CD96: variants seen among roughly 807,000 people sequenced by gnomAD.
The protein encoded by CD96 is T-cell surface protein tactile.
In CD96, 70 loss-of-function variants were observed where a neutral mutation model predicts 71.3. The ratio of observed to expected loss-of-function variants is 0.98; its 90% confidence interval spans 0.81 to 1.20. The LOEUF is 1.20. CD96 is among the 50% of genes most tolerant of loss of function. CD96 has a pLI of 0.00. For synonymous variants in CD96, 248 were observed against 233.0 expected (o/e 1.06, Z -0.59); for missense variants, 742 against 677.5 (o/e 1.10, Z -1.06).
chr3:111,654,860 A>G (rs542729226), downstream of CD96, among the ~76,000 whole-genome samples: 1 of 152,374 alleles, frequency 6.6e-6, no homozygotes, highest in South Asian at 2.1e-4. Flanking sequence ...GAAAGTACTT[A>G]AAAGTGCCAA....
At chr3:111,596,539 T>C (rs1341731904) in intron 5 of CD96, among the ~76,000 whole-genome samples, 1 of 152,214 alleles carries the variant, frequency 6.6e-6, no homozygotes, top group Non-Finnish European at 1.5e-5. Flanking sequence ...TATTACCATA[T>C]CGTCATCTTT....
At chr3:111,561,282 G>A (rs879821940) in intron 2 of CD96, among the ~76,000 whole-genome samples, 2,417 of 150,192 alleles carry the variant, frequency 0.016, 27 homozygotes, top group Middle Eastern at 0.024. Flanking sequence ...GAGGAGAGGC[G>A]CTCTGCGTTT....
intron 12 of CD96, 66 bp from the exon 13 acceptor site, chr3:111,647,477 T>C: frequency 3.4e-6 from 5 of 1,458,262 alleles, no homozygotes; most frequent in Non-Finnish European, 4.8e-6. Context: ...GGAAAAATGG[T>C]TTAATCCTGT....
rs1050392305 is a variant in CD96, at chr3:111,637,196, C to T, written c.1322C>T (p.Ser441Leu). Residue 441 changes from serine to leucine, a missense_variant and splice_region_variant, in exon 11 of 14, where the codon TCA (serine) becomes TTA (leucine). Coordinates refer to ENST00000352690, the MANE Select transcript of CD96 (RefSeq NM_005816.5). ...WTSSGTDTKK[S>L]VSRIPSETYS... The stretch of plus-strand genomic sequence containing the variant: ...CTCTTCTGATATCTTCTTCCTTTAG[C>T]AGTTTCACGGATACCTAGTGAAACA... 6 of 1,533,466 alleles carry T rather than the reference C, an allele frequency of 3.9e-6. No individual in the cohort carries two copies. The highest frequency in any genetic ancestry group is 4.5e-6 in the Non-Finnish European group (5 of 1,106,408). The allele number at this position is 1,533,466 out of a possible 1,614,324, so 95.0% of individuals were successfully genotyped here. A position where few individuals can be genotyped will look rare whatever the true frequency, so the allele number is the denominator to read the frequency against.
intron 8 of CD96, among the ~76,000 whole-genome samples, chr3:111,617,920 C>T (rs747939906): frequency 6.6e-6 from 1 of 152,224 alleles, no homozygotes; most frequent in Non-Finnish European, 1.5e-5. Flanking sequence ...CTTTGGAGCT[C>T]TACAGTTCCT....
At chr3:111,604,223 T>C (rs1470992293) in intron 7 of CD96, among the ~76,000 whole-genome samples, 1 of 152,148 alleles carries the variant, frequency 6.6e-6, no homozygotes, top group Non-Finnish European at 1.5e-5. Context: ...CTGCTGCCCA[T>C]GAGGGTGGTT....
rs143028941 is a variant in CD96, at chr3:111,579,134, C to A, written c.651C>A (p.Leu217=). 1 of 1,599,744 alleles carries A rather than the reference C, an allele frequency of 6.3e-7. No individual in the cohort carries two copies. The highest frequency in any genetic ancestry group is 8.6e-7 in the Non-Finnish European group (1 of 1,166,796). ...TTGGTACAGACTACAGACTCCACCTCTCTCCAGTCCAAATCTTCGATGATG... is the reference window on the plus strand; with the variant it reads ...TTGGTACAGACTACAGACTCCACCTATCTCCAGTCCAAATCTTCGATGATG... ...VKLGTDYRLH[L]SPVQIFDDGR... The change falls in exon 4 of 14, where the codon CTC becomes CTA. Residue 217 remains leucine, a synonymous_variant. Transcript: ENST00000352690.
At chr3:111,570,103 G>A (rs2107555410) in intron 3 of CD96, among the ~76,000 whole-genome samples, 1 of 152,306 alleles carries the variant, frequency 6.6e-6, no homozygotes, top group South Asian at 2.1e-4. Context: ...TCTGCTTACA[G>A]GAGGGTGCTG....
chr3:111,630,668 A>G (rs1939014927), intron 10 of CD96, among the ~76,000 whole-genome samples: 1 of 152,248 alleles, frequency 6.6e-6, no homozygotes, highest in African/African-American at 2.4e-5. Context: ...TGAGGCCAGC[A>G]TCATCCTGAT....
chr3:111,660,007 G>A (rs1258446453), intron 14 of CD96, among the ~76,000 whole-genome samples: 1 of 152,132 alleles, frequency 6.6e-6, no homozygotes, highest in African/African-American at 2.4e-5. Flanking sequence ...GTTATACATA[G>A]TGCTGGAAGT....
At chr3:111,633,178 C>T (rs1939157364) in intron 10 of CD96, among the ~76,000 whole-genome samples, 1 of 151,524 alleles carries the variant, frequency 6.6e-6, no homozygotes, top group Non-Finnish European at 1.5e-5. Context: ...TGTTTTGTCT[C>T]AGATTAAAAA....
chr3:111,607,566 T>C (rs1181855875), intron 8 of CD96, among the ~76,000 whole-genome samples: 2 of 152,248 alleles, frequency 1.3e-5, no homozygotes, highest in African/African-American at 4.8e-5. Context: ...CTATGTAAAG[T>C]AGAAGTATGG....
chr3:111,629,811 A>C (rs1480059187), intron 10 of CD96, among the ~76,000 whole-genome samples: 2 of 152,124 alleles, frequency 1.3e-5, no homozygotes, highest in Non-Finnish European at 2.9e-5. Flanking sequence ...AATCATAACA[A>C]AGTCTCTCAG....
At chr3:111,607,731 C>T (rs564920805) in intron 8 of CD96, among the ~76,000 whole-genome samples, 3 of 152,280 alleles carry the variant, frequency 2.0e-5, no homozygotes, top group Non-Finnish European at 2.9e-5. Flanking sequence ...TGATACTTCT[C>T]AGAAAATGAA....
chr3:111,556,832 G>A (rs1209482579), intron 2 of CD96, among the ~76,000 whole-genome samples: 1 of 151,578 alleles, frequency 6.6e-6, no homozygotes, highest in African/African-American at 2.4e-5. Flanking sequence ...CAGTGTAAAA[G>A]TGTTCCTGTT....
intron 3 of CD96, among the ~76,000 whole-genome samples, chr3:111,576,330 C>A (rs1936221003): frequency 6.6e-6 from 1 of 152,072 alleles, no homozygotes; most frequent in Admixed American, 6.6e-5. Flanking sequence ...GCATTATTAT[C>A]AAGTAGGAGT....
At chr3:111,607,218 A>G (rs1937660749) in intron 8 of CD96, 1 of 219,482 alleles carries the variant, frequency 4.6e-6, no homozygotes, top group Non-Finnish European at 9.2e-6. Context: ...AGGTTAATAA[A>G]TGACAGTCAT....
chr3:111,579,112 G>A lies in CD96; in HGVS notation c.629G>A (p.Gly210Asp), dbSNP rs1936351113. ...STLLKDRVKL[G>D]TDYRLHLSPV... ...TTACTTAAAGATAGAGTCAAGCTTGGTACAGACTACAGACTCCACCTCTCT... is the reference window on the plus strand; with the variant it reads ...TTACTTAAAGATAGAGTCAAGCTTGATACAGACTACAGACTCCACCTCTCT... Residue 210 changes from glycine (G) to aspartate (D), a missense_variant, in exon 4 of 14, where the codon GGT becomes GAT. Gly to Asp is a moderately conservative substitution (Grantham distance 94). Transcript: ENST00000352690. 6.2e-7 allele frequency: 1 copy of A among 1,601,406 alleles called. No individual in the cohort carries two copies. Among genetic ancestry groups the A allele is most frequent in the South Asian group, 1.1e-5 (1 of 90,828 alleles).
At chr3:111,626,233 G>A (rs748443970) in intron 10 of CD96, among the ~76,000 whole-genome samples, 6 of 147,858 alleles carry the variant, frequency 4.1e-5, no homozygotes, top group Admixed American at 1.4e-4. Flanking sequence ...CCCGGGAGGC[G>A]GAGCTCGCAG....
Sources: allele counts gnomAD v4.1 joint callset (sites outside exome capture counted in the v4.1 genomes callset), GRCh38; gene constraint gnomAD v4.1.1; transcripts MANE v1.5; gene names NCBI Gene and HGNC (gene_info 2026-07-23, HGNC 2026-07-21).